Variants in SYNJ2 observed in about 807,000 individuals in gnomAD.
SYNJ2 encodes polyphosphatidylinositol phosphatase SYNJ2.
A neutral mutation model predicts 141.3 loss-of-function variants in SYNJ2; 116 were observed. That is an observed-to-expected ratio of 0.82 (90% CI 0.71 to 0.96). The LOEUF (loss-of-function observed/expected upper bound fraction) is 0.96, where lower values mean the gene tolerates loss of function less well. Among genes scored for constraint, SYNJ2 ranks in the 40% least tolerant of loss-of-function variants. SYNJ2 has a pLI of 0.00. For synonymous variants in SYNJ2, 745 were observed against 777.7 expected, an observed-to-expected ratio of 0.96 and a Z score of 0.70; for missense variants, 1,873 against 1,934.8, an observed-to-expected ratio of 0.97 and a Z score of 0.60.
At chr6:158,094,631 G>A (rs1377354430) in intron 26 of SYNJ2, among the ~76,000 whole-genome samples, 1 of 152,166 alleles carries the variant, frequency 6.6e-6, no homozygotes, top group East Asian at 1.9e-4. Context: ...CTGCTGCACA[G>A]GAGTTAAAGT....
At chr6:157,981,351 C>G (rs1776994235), upstream of SYNJ2, among the ~76,000 whole-genome samples, 1 of 152,154 alleles carries the variant, frequency 6.6e-6, no homozygotes, top group African/African-American at 2.4e-5. The surrounding 1 kb of genome is among the most constrained non-coding windows in gnomAD (Gnocchi z 6.4). Context: ...CGCTCCGCAC[C>G]CGCTAAGCGC....
chr6:158,058,024 T>C (rs1408445697), intron 6 of SYNJ2, among the ~76,000 whole-genome samples: 1 of 152,206 alleles, frequency 6.6e-6, no homozygotes, highest in African/African-American at 2.4e-5. Flanking sequence ...TACTGTCCCT[T>C]AAAGTTAGTA....
chr6:158,081,056 G>A (rs1272775653), intron 18 of SYNJ2, 53 bp from the exon 19 acceptor site: 1 of 1,547,954 alleles, frequency 6.5e-7, no homozygotes, highest in East Asian at 2.2e-5. Context: ...GAGGCCGGGG[G>A]TGTGGACATC....
chr6:158,063,703 A>T, intron 8 of SYNJ2, 88 bp from the exon 9 acceptor site: 5 of 484,624 alleles, frequency 1.0e-5, no homozygotes, highest in East Asian at 4.6e-5. Context: ...TTTCCTTGGG[A>T]GTCAAAAGTC....
At chr6:158,005,406 C>T (rs1046920116) in intron 1 of SYNJ2, among the ~76,000 whole-genome samples, 3 of 152,094 alleles carry the variant, frequency 2.0e-5, no homozygotes, top group African/African-American at 7.2e-5. Context: ...ACTGGGATGG[C>T]GACCCTTAGA....
At chr6:158,054,907 C>T (rs1780780059) in intron 5 of SYNJ2, 60 bp from the exon 6 acceptor site, 1 of 1,579,148 alleles carries the variant, frequency 6.3e-7, no homozygotes, top group Admixed American at 1.7e-5. Flanking sequence ...TGGGAAAAAC[C>T]ATGGCCTCCT....
chr6:158,004,099 A>T (rs537878264), intron 1 of SYNJ2, among the ~76,000 whole-genome samples: 2 of 152,222 alleles, frequency 1.3e-5, no homozygotes, highest in East Asian at 3.9e-4. Context: ...CGATCAAATT[A>T]CCTTGCCGAA....
In SYNJ2 at chr6:158,078,267, A is replaced by G. The variant is rs770493097; in HGVS notation, c.2553A>G (p.Gln851=). 64 of 1,613,100 alleles carry G rather than the reference A, an allele frequency of 4.0e-5. 1 individual carries two copies. In the Admixed American group the frequency reaches 7.5e-4, roughly 19 times the overall value. ...ALQYYGRAEL[Q]ASDHRPVLAI... is the part of the protein sequence containing the mutation. ...AGTATTATGGTCGTGCGGAGCTACA[A>G]GCGTCTGATCACAGGTGAGGTCCTG... The change falls in exon 18 of 27, where the codon CAA becomes CAG. Residue 851 remains glutamine, a synonymous_variant. Transcript: ENST00000355585.
chr6:158,025,103 G>A (rs1305916736), intron 2 of SYNJ2, among the ~76,000 whole-genome samples: 1 of 152,188 alleles, frequency 6.6e-6, no homozygotes, highest in Non-Finnish European at 1.5e-5. Flanking sequence ...CTGGAGGCTG[G>A]AAGTCCGAGA....
intron 3 of SYNJ2, among the ~76,000 whole-genome samples, chr6:158,032,933 G>A (rs1051559121): frequency 1.3e-5 from 2 of 152,058 alleles, no homozygotes; most frequent in South Asian, 2.1e-4. Context: ...GCTTTGTAGC[G>A]CTCTCGTCAT....
At chr6:158,068,861 G>C (rs1781731878) in intron 13 of SYNJ2, 133 bp downstream of exon 13, 1 of 902,888 alleles carries the variant, frequency 1.1e-6, no homozygotes, top group Non-Finnish European at 1.7e-6. Flanking sequence ...GCTGTGTGGG[G>C]ATCTCTCACC....
intron 23 of SYNJ2, among the ~76,000 whole-genome samples, chr6:158,087,838 T>C (rs975802958): frequency 1.3e-5 from 2 of 151,760 alleles, no homozygotes; most frequent in East Asian, 3.9e-4. Flanking sequence ...AAAAAAGTCT[T>C]CTTTTTCCAG....
chr6:158,069,119 C>T (rs540995677), intron 13 of SYNJ2, among the ~76,000 whole-genome samples: 1 of 151,898 alleles, frequency 6.6e-6, no homozygotes, highest in Non-Finnish European at 1.5e-5. Flanking sequence ...GTGTGAGTGC[C>T]GGGAAGAGGT....
chr6:158,047,774 C>CATAAAA (rs1780323835), intron 5 of SYNJ2, among the ~76,000 whole-genome samples: 1 of 32,376 alleles, frequency 3.1e-5, no homozygotes, highest in Admixed American at 5.3e-4. Context: ...GCGACTCTGT[C>CATAAAA]AAAAAAAAAA....
chr6:158,095,254 A>G (rs895533454), intron 26 of SYNJ2, among the ~76,000 whole-genome samples: 1 of 152,200 alleles, frequency 6.6e-6, no homozygotes, highest in Non-Finnish European at 1.5e-5. Flanking sequence ...ACCATGAATC[A>G]GCCCAGGTTG....
chr6:158,095,509 A>G, intron 26 of SYNJ2, 109 bp from the exon 27 acceptor site: 2 of 1,380,362 alleles, frequency 1.4e-6, no homozygotes, highest in Non-Finnish European at 1.9e-6. Context: ...AATTTGCTAG[A>G]ATGTCAGCTT....
chr6:158,039,783 G>A (rs1205870757), intron 4 of SYNJ2, among the ~76,000 whole-genome samples: 3 of 152,076 alleles, frequency 2.0e-5, no homozygotes, highest in Non-Finnish European at 4.4e-5. Context: ...CAACTTTGAG[G>A]AAATTAGTGC....
At chr6:157,998,242 G>T (rs1777708916) in intron 1 of SYNJ2, among the ~76,000 whole-genome samples, 1 of 152,222 alleles carries the variant, frequency 6.6e-6, no homozygotes, top group Non-Finnish European at 1.5e-5. Flanking sequence ...GGTCCCCAAG[G>T]AGCCAGAATC....
chr6:158,083,414 G>C lies in SYNJ2; in HGVS notation c.2866-15G>C. The C allele has an allele frequency of 6.2e-7, 1 of 1,610,748 alleles. No homozygotes were observed. The highest frequency in any genetic ancestry group is 8.5e-7 in the Non-Finnish European group (1 of 1,177,458). ...GATTTTTATTTATTCCTGGGTGGCC[G>C]CTCTGCCCTCCCAGGTGAAAGGCAG... is the stretch of plus-strand genomic sequence containing the variant. On this transcript the variant is annotated splice_polypyrimidine_tract_variant and intron_variant, in intron 20 of 26. Transcript: ENST00000355585.
Sources: allele counts gnomAD v4.1 joint callset (sites outside exome capture counted in the v4.1 genomes callset), GRCh38; gene constraint gnomAD v4.1.1; non-coding constraint Gnocchi (gnomAD v3.1); transcripts MANE v1.5; gene names NCBI Gene and HGNC (gene_info 2026-07-23, HGNC 2026-07-21).